PVT1: variants seen among roughly 807,000 people sequenced by gnomAD.
PVT1 encodes CXCR4/PVT1 fusion.
intron 3 of PVT1, among the ~76,000 whole-genome samples, chr8:127,984,889 CTTTCTT>C (rs1816936878): frequency 9.8e-6 from 1 of 102,108 alleles, no homozygotes; most frequent in Non-Finnish European, 2.0e-5. Context: ...TTCTTTCTTT[CTTTCTT>C]TCTTTCTTTC....
chr8:127,948,638 G>A (rs1816456977), intron 3 of PVT1: 2 of 152,346 alleles, frequency 1.3e-5, no homozygotes. Flanking sequence ...TGGTCAGACT[G>A]GTGGGTGTCC....
chr8:127,892,363 ATAG>A (rs1554594765), intron 3 of PVT1, among the ~76,000 whole-genome samples: 1 of 152,206 alleles, frequency 6.6e-6, no homozygotes, highest in Non-Finnish European at 1.5e-5. Context: ...AGACACATAC[ATAG>A]TAGGCATTTT....
At chr8:128,019,467 T>C (rs1817409654) in intron 4 of PVT1, among the ~76,000 whole-genome samples, 1 of 152,208 alleles carries the variant, frequency 6.6e-6, no homozygotes, top group Admixed American at 6.5e-5. Flanking sequence ...TCAATTTCAA[T>C]GGTGAAATCC....
At chr8:128,006,139 T>A (rs1052060911) in intron 4 of PVT1, among the ~76,000 whole-genome samples, 1 of 134,986 alleles carries the variant, frequency 7.4e-6, no homozygotes, top group East Asian at 2.0e-4. Flanking sequence ...ATAATAATAA[T>A]AATAATAATA....
chr8:127,917,440 C>A (rs1273643334), intron 3 of PVT1, among the ~76,000 whole-genome samples: 3 of 152,164 alleles, frequency 2.0e-5, no homozygotes, highest in Admixed American at 6.5e-5. Context: ...CCTTGAGATC[C>A]CTTTCATGAG....
chr8:127,917,717 A>G lies in PVT1; in HGVS notation n.782+26719A>G, dbSNP rs762862578. 3.9e-5 allele frequency among the ~76,000 whole-genome samples: 6 copies of G among 152,340 alleles called. No individual in the cohort carries two copies. The East Asian group carries it at 9.7e-4, about 25-fold the overall frequency. ...GCACAGCAGTGGCTTGGCCGCCCCAACGCGCCTACAGCCCGCTCTGGGGAC... is the reference window on the plus strand; with the variant it reads ...GCACAGCAGTGGCTTGGCCGCCCCAGCGCGCCTACAGCCCGCTCTGGGGAC... On this transcript the variant is annotated intron_variant and non_coding_transcript_variant, in intron 3 of 10. Transcript: ENST00000651587.
At chr8:128,019,312 C>A (rs6984573) in intron 4 of PVT1, among the ~76,000 whole-genome samples, 1 of 152,056 alleles carries the variant, frequency 6.6e-6, no homozygotes, top group African/African-American at 2.4e-5. Flanking sequence ...AATATAAAGA[C>A]GGGAAAGTAA....
At chr8:127,807,667 C>T (rs938450402) in intron 2 of PVT1, among the ~76,000 whole-genome samples, 3 of 152,164 alleles carry the variant, frequency 2.0e-5, no homozygotes, top group Non-Finnish European at 4.4e-5. Context: ...CTACACATAT[C>T]ACTTACACAG....
chr8:127,943,350 C>T (rs1435978203), intron 3 of PVT1, among the ~76,000 whole-genome samples: 4 of 152,146 alleles, frequency 2.6e-5, no homozygotes, highest in African/African-American at 7.2e-5. Context: ...AAAAATTAGT[C>T]GTGCTCAGTT....
intron 3 of PVT1, among the ~76,000 whole-genome samples, chr8:127,957,955 G>A (rs919156788): frequency 6.6e-6 from 1 of 152,236 alleles, no homozygotes; most frequent in Admixed American, 6.5e-5. Context: ...TCAGATCTTG[G>A]CCATGGTTTC....
intron 3 of PVT1, among the ~76,000 whole-genome samples, chr8:127,944,676 C>G (rs1012165761): frequency 6.6e-5 from 10 of 152,050 alleles, no homozygotes; most frequent in Non-Finnish European, 1.3e-4. Flanking sequence ...CAGCTGATAC[C>G]GAGGAGGAGG....
chr8:128,043,742 C>T (rs1813573598), intron 4 of PVT1, among the ~76,000 whole-genome samples: 1 of 147,070 alleles, frequency 6.8e-6, no homozygotes, highest in African/African-American at 2.6e-5. Flanking sequence ...TTTTTAACTG[C>T]TATATAGTAT....
rs187426845 is a variant in PVT1 at position 128,016,690 on chromosome 8, C to T, written n.912+27399C>T. ...CACACAACTGGTGCTGTGAGGGAGA[C>T]GAAGATGAGTCATGCCTGTACTGCT... On this transcript the variant is annotated intron_variant and non_coding_transcript_variant, in intron 4 of 10. Transcript: ENST00000651587. Among the ~76,000 whole-genome samples the T allele has an allele frequency of 1.5e-3, 231 of 152,270 alleles. 3 individuals carry two copies. Among genetic ancestry groups the T allele is most frequent in the Admixed American group, 2.1e-3 (32 of 15,298 alleles).
intron 2 of PVT1, among the ~76,000 whole-genome samples, chr8:127,821,370 A>T (rs988312084): frequency 6.6e-6 from 1 of 152,022 alleles, no homozygotes; most frequent in Non-Finnish European, 1.5e-5. Context: ...GACTCAGTTT[A>T]AAAAAAAGAA....
chr8:127,943,076 G>T (rs1448964349), intron 3 of PVT1, among the ~76,000 whole-genome samples: 1 of 152,140 alleles, frequency 6.6e-6, no homozygotes, highest in Non-Finnish European at 1.5e-5. Flanking sequence ...TGCTGTTGTA[G>T]GGGGCCTGGA....
chr8:128,018,501 G>A (rs913818452), intron 4 of PVT1, among the ~76,000 whole-genome samples: 25 of 152,212 alleles, frequency 1.6e-4, no homozygotes, highest in African/African-American at 6.0e-4. Context: ...TGCTTATTGG[G>A]CTAAACAATC....
At chr8:127,896,306 A>C (rs1357513068) in intron 3 of PVT1, among the ~76,000 whole-genome samples, 1 of 152,124 alleles carries the variant, frequency 6.6e-6, no homozygotes, top group Non-Finnish European at 1.5e-5. Context: ...TTGGGAAGTC[A>C]GTTTAGAACA....
intron 3 of PVT1, among the ~76,000 whole-genome samples, chr8:127,941,750 T>C (rs1816352731): frequency 1.3e-5 from 2 of 152,252 alleles, no homozygotes; most frequent in Admixed American, 6.5e-5. Flanking sequence ...TTTAGGGCAA[T>C]GCATGTCTTT....
chr8:127,886,688 A>G (rs1815527902), intron 2 of PVT1, among the ~76,000 whole-genome samples: 1 of 151,844 alleles, frequency 6.6e-6, no homozygotes, highest in Non-Finnish European at 1.5e-5. Context: ...CTTTTTATTT[A>G]CTAAGAATAC....
Sources: gnomAD v4.1 joint callset for allele counts (sites outside exome capture counted in the v4.1 genomes callset) on GRCh38, gnomAD v4.1.1 for gene constraint, MANE v1.5 for transcripts, NCBI Gene and HGNC (gene_info 2026-07-23, HGNC 2026-07-21) for gene names.